Variants in ST14 observed in about 807,000 individuals in gnomAD.
ST14 encodes the protein ST14 transmembrane serine protease matriptase.
ST14 carries 40 observed loss-of-function variants against 96.5 expected under a neutral mutation model. The observed-to-expected ratio is 0.41, with a 90% CI of 0.32 to 0.54. The LOEUF (loss-of-function observed/expected upper bound fraction) is 0.54. Among genes scored for constraint, ST14 ranks in the 20% least tolerant of loss-of-function variants. ST14 has a pLI of 0.17. For missense variants in ST14, 1,066 were observed against 1,188.9 expected, an observed-to-expected ratio of 0.90 and a Z score of 1.52; for synonymous variants, 506 against 492.1, an observed-to-expected ratio of 1.03 and a Z score of -0.37.
intron 16 of ST14, among the ~76,000 whole-genome samples, chr11:130,200,888 T>A (rs1953420333): frequency 6.6e-6 from 1 of 152,190 alleles, no homozygotes; most frequent in Non-Finnish European, 1.5e-5. Context: ...CCGGTGAGTC[T>A]GCACTGTGCA....
intron 1 of ST14, among the ~76,000 whole-genome samples, chr11:130,167,201 ACT>A (rs1027138350): frequency 9.2e-5 from 14 of 152,298 alleles, no homozygotes; most frequent in African/African-American, 3.1e-4. Flanking sequence ...ACAGAGCGAG[ACT>A]CTGTCTCAAA....
In ST14 at chr11:130,208,619, C is replaced by T. The variant is rs751840173; in HGVS notation, c.2204C>T (p.Ala735Val). 6.2e-6 allele frequency: 10 copies of T among 1,613,924 alleles called. No homozygotes were observed. The highest frequency in any genetic ancestry group is 7.6e-6 in the Non-Finnish European group (9 of 1,180,002). Residue 735 changes from alanine to valine, a missense_variant, in exon 17 of 19, where the codon GCC becomes GTC. Transcript: ENST00000278742. Reference sequence around the variant, plus strand: ...GTGCGGCCCATCTGCCTGCCGGACGCCTCCCATGTCTTCCCTGCCGGCAAG... The same window carrying T: ...GTGCGGCCCATCTGCCTGCCGGACGTCTCCCATGTCTTCCCTGCCGGCAAG... Reference protein sequence around the residue: ...SMVRPICLPDASHVFPAGKAI... With the variant: ...SMVRPICLPDVSHVFPAGKAI...
rs1953186982 is a variant in ST14 at position 130,181,022 on chromosome 11, C to T, written c.82-7092C>T. ...GGGTGAGATGGCAATGGTCCGATCT[C>T]ATCCCTGCTGGGTGGGATGGCAGTG... On this transcript the variant is annotated intron_variant, in intron 1 of 18. Transcript: ENST00000278742. This position sits in a 1 kb window ranked among gnomAD's most constrained non-coding sequence, Gnocchi z 4.1. 6.6e-6 allele frequency among the ~76,000 whole-genome samples: 1 copy of T among 152,190 alleles called. No individual in the cohort carries two copies. Among genetic ancestry groups the T allele is most frequent in the Admixed American group, 6.5e-5 (1 of 15,286 alleles).
Position 130,190,097 on chromosome 11 carries a change from C to T in ST14, c.599-16C>T, listed in dbSNP as rs1024023498. ...ATTGTATCAGGAAATGCTTTATTCT[C>T]CTTCTTATTCTTCAGCCACGGACTC... On this transcript the variant is annotated splice_polypyrimidine_tract_variant and intron_variant, in intron 5 of 18. Coordinates refer to ENST00000278742, the MANE Select transcript of ST14 (RefSeq NM_021978.4). 3 of 1,614,038 alleles carry T rather than the reference C, an allele frequency of 1.9e-6. No individual in the cohort carries two copies. The highest frequency in any genetic ancestry group is 1.3e-5 in the African/African-American group (1 of 74,924).
chr11:130,166,832 T>A (rs1475496347), intron 1 of ST14, among the ~76,000 whole-genome samples: 1 of 152,200 alleles, frequency 6.6e-6, no homozygotes. Context: ...ATGTTTTTAT[T>A]TGGTTATACC....
chr11:130,204,845 G>A (rs180796306), intron 16 of ST14, among the ~76,000 whole-genome samples: 15 of 151,936 alleles, frequency 9.9e-5, no homozygotes, highest in Admixed American at 2.0e-4. Context: ...GGTGATGGAC[G>A]CTGGGGCAGT....
intron 1 of ST14, among the ~76,000 whole-genome samples, chr11:130,179,593 T>C (rs1953172291): frequency 6.6e-6 from 1 of 152,202 alleles, no homozygotes; most frequent in Admixed American, 6.5e-5. Flanking sequence ...TGTGCACAGC[T>C]GCTGGAGCTT....
At chr11:130,169,154 G>C (rs1591877220) in intron 1 of ST14, among the ~76,000 whole-genome samples, 3 of 145,912 alleles carry the variant, frequency 2.1e-5, no homozygotes, top group African/African-American at 7.9e-5. Flanking sequence ...GAGTACAGCG[G>C]TGTGATCTGG....
chr11:130,201,638 G>A lies in ST14; in HGVS notation c.1994+1501G>A, dbSNP rs565976278. Among the ~76,000 whole-genome samples the A allele has an allele frequency of 2.0e-5, 3 of 152,380 alleles. No homozygotes were observed. In the South Asian group the frequency reaches 6.2e-4, roughly 32 times the overall value. The stretch of plus-strand genomic sequence containing the variant: ...GTGTCACCCAGGCTGAAGTTCAGTG[G>A]TGCAAATCATAGCTTGCTACAGTCT... On this transcript the variant is annotated intron_variant, in intron 16 of 18. Transcript: ENST00000278742.
At chr11:130,179,348 T>C (rs986660621) in intron 1 of ST14, among the ~76,000 whole-genome samples, 15 of 152,322 alleles carry the variant, frequency 9.8e-5, no homozygotes, top group African/African-American at 3.1e-4. Flanking sequence ...ATGGGAACCA[T>C]AGGCTTTTGC....
intron 1 of ST14, among the ~76,000 whole-genome samples, chr11:130,174,976 C>A (rs972863150): frequency 1.3e-5 from 2 of 152,174 alleles, no homozygotes; most frequent in Non-Finnish European, 2.9e-5. Flanking sequence ...CTTATGGGTA[C>A]CTGATAATTA....
intron 1 of ST14, among the ~76,000 whole-genome samples, chr11:130,174,678 G>C (rs147711501): frequency 6.6e-6 from 1 of 152,188 alleles, no homozygotes; most frequent in Non-Finnish European, 1.5e-5. Flanking sequence ...CAAACAAACA[G>C]ACAAGCATCC....
At chr11:130,194,872 G>T in intron 9 of ST14, 135 bp downstream of exon 9, 1 of 509,098 alleles carries the variant, frequency 2.0e-6, no homozygotes, top group South Asian at 3.6e-5. Context: ...GTGTGTGTGT[G>T]TGTGCGTATG....
At chr11:130,168,595 G>A (rs1953062090) in intron 1 of ST14, among the ~76,000 whole-genome samples, 1 of 152,280 alleles carries the variant, frequency 6.6e-6, no homozygotes. Context: ...CTTCCAAAAG[G>A]ATGGTCTCGC....
intron 9 of ST14, 139 bp downstream of exon 9, chr11:130,194,876 G>A (rs1376059001): frequency 2.5e-6 from 2 of 814,026 alleles, no homozygotes; most frequent in Non-Finnish European, 4.0e-6. Context: ...GTGTGTGTGT[G>A]CGTATGTGTG....
At position 130,199,962 on chromosome 11, in the gene ST14, C is replaced by A. The variant is rs1242315506; in HGVS notation, c.1819C>A (p.Arg607=). ...TGCTCCCTCTGCAGACTGTGGGCTG[C>A]GGTCATTCACGAGACAGGCTCGTGT... ...SDEKDCDCGL[R]SFTRQARVVG... Residue 607 remains arginine, a synonymous_variant, in exon 16 of 19, where the codon CGG becomes AGG. Transcript: ENST00000278742. 6.2e-7 allele frequency: 1 copy of A among 1,614,056 alleles called. No individual in the cohort carries two copies. The highest frequency in any genetic ancestry group is 1.1e-5 in the South Asian group (1 of 91,084).
In ST14 at chr11:130,186,223, CA is replaced by C. The variant is rs373915779; in HGVS notation, c.82-1885del. Among the ~76,000 whole-genome samples the C allele has an allele frequency of 4.5e-3, 681 of 152,236 alleles. 10 individuals carry two copies. The highest frequency in any genetic ancestry group is 0.016 in the African/African-American group (655 of 41,530). On this transcript the variant is annotated intron_variant, in intron 1 of 18. Coordinates refer to ENST00000278742, the MANE Select transcript of ST14 (RefSeq NM_021978.4). Reference sequence around the variant, plus strand: ...GTATTTTCAGAAACATGCAAAGTATCAAAAAATATTCTTCTCAGAAAGTATA... The same window carrying C: ...GTATTTTCAGAAACATGCAAAGTATCAAAAATATTCTTCTCAGAAAGTATA...
chr11:130,177,316 G>A (rs1197328323), intron 1 of ST14, among the ~76,000 whole-genome samples: 2 of 151,992 alleles, frequency 1.3e-5, no homozygotes, highest in African/African-American at 4.8e-5. Flanking sequence ...TGTAATCCCA[G>A]CACTTTGGGA....
chr11:130,189,710 T>C lies in ST14; in HGVS notation c.441-29T>C, dbSNP rs773741906. The C allele has an allele frequency of 3.7e-6, 6 of 1,606,280 alleles. No homozygotes were observed. The East Asian group carries it at 1.3e-4, about 36-fold the overall frequency. On this transcript the variant is annotated intron_variant, in intron 4 of 18. Coordinates refer to ENST00000278742, the MANE Select transcript of ST14 (RefSeq NM_021978.4). ...ACGTGGGGGAAATGGGGCCCAGAGC[T>C]CCGCCTCAGGCTCCCGCTCTCTCCC...
Sources: gnomAD v4.1 joint callset for allele counts (sites outside exome capture counted in the v4.1 genomes callset) on GRCh38, gnomAD v4.1.1 for gene constraint, Gnocchi (gnomAD v3.1) non-coding constraint, MANE v1.5 for transcripts, NCBI Gene and HGNC (gene_info 2026-07-23, HGNC 2026-07-21) for gene names.